The following MUC4 variants were observed in gnomAD, a reference collection of about 807,000 sequenced individuals.
The protein encoded by MUC4 is mucin 4, cell surface associated, also known as mucin-4.
A neutral mutation model predicts 257.9 loss-of-function variants in MUC4; 202 were observed. The ratio of observed to expected loss-of-function variants is 0.78; its 90% confidence interval spans 0.70 to 0.88. MUC4 has a LOEUF of 0.88. MUC4 is among the 40% of genes least tolerant of loss of function. MUC4 has a pLI of 0.00. For missense variants in MUC4, 5,976 were observed against 6,513.7 expected, an observed-to-expected ratio of 0.92 and a Z score of 2.84; for synonymous variants, 2,351 against 2,757.1, an observed-to-expected ratio of 0.85 and a Z score of 4.62.
intron 1 of MUC4, among the ~76,000 whole-genome samples, chr3:195,796,686 G>A (rs1009444090): frequency 2.0e-5 from 3 of 151,524 alleles, no homozygotes; most frequent in African/African-American, 4.9e-5. Flanking sequence ...GTGAGACTCC[G>A]TCTCAAAAAA....
intron 1 of MUC4, among the ~76,000 whole-genome samples, chr3:195,806,976 G>A (rs553294561): frequency 5.9e-5 from 9 of 152,304 alleles, no homozygotes; most frequent in African/African-American, 1.9e-4. Flanking sequence ...ACCTGGGCGG[G>A]GCGGCATCTC....
chr3:195,781,385 A>C lies in MUC4; in HGVS notation c.10195T>G (p.Ser3399Ala). 6.6e-7 allele frequency: 1 copy of C among 1,522,294 alleles called. No individual in the cohort carries two copies. Among genetic ancestry groups the C allele is most frequent in the Non-Finnish European group, 8.9e-7 (1 of 1,129,776 alleles). 94.3% of individuals were successfully genotyped at this position (1,522,294 alleles called of 1,614,324 possible). The part of the protein sequence containing the change: ...QATPLPVTNT[S>A]SVSTGDTMPL... Reference sequence around the variant, plus strand: ...ATGGTGTCACCTGTGGATACTGAGGAAGTGTTGGTGACAGGAAGAGGGGTG... The same window carrying C: ...ATGGTGTCACCTGTGGATACTGAGGCAGTGTTGGTGACAGGAAGAGGGGTG... The change falls in exon 2 of 25, where the codon TCC (serine) becomes GCC (alanine). Residue 3399 changes from serine (S) to alanine (A), a missense_variant. Ser to Ala is a moderately conservative substitution (Grantham distance 99, BLOSUM62 1). This residue lies in a region of MUC4 where 297 missense variants were observed against 240.9 expected (regional missense o/e 1.23). Transcript: ENST00000463781.
chr3:195,779,255 C>T lies in MUC4; in HGVS notation c.12325G>A (p.Asp4109Asn). The part of the protein sequence containing the change: ...LTSLSSVSTG[D>N]TTPLPVTDTS... ...TCGGTGACAGGAAGAGGCGTGGTGT[C>T]ACCTGTGGATACTGAGGAAAGGCTG... Residue 4109 changes from aspartate to asparagine, a missense_variant, in exon 2 of 25, where the codon GAC becomes AAC. Physicochemically the swap from Asp to Asn is conservative, Grantham distance 23 (BLOSUM62 1). Transcript: ENST00000463781. 1 of 1,311,350 alleles carries T rather than the reference C, an allele frequency of 7.6e-7. No individual in the cohort carries two copies. The highest frequency in any genetic ancestry group is 1.0e-6 in the Non-Finnish European group (1 of 991,156). 81.2% of individuals were successfully genotyped at this position (1,311,350 alleles called of 1,614,324 possible).
At chr3:195,794,684 T>C (rs1734353703) in intron 1 of MUC4, among the ~76,000 whole-genome samples, 1 of 152,082 alleles carries the variant, frequency 6.6e-6, no homozygotes. Flanking sequence ...TCAGTGCTCC[T>C]AGATAGTTGG....
intron 3 of MUC4, among the ~76,000 whole-genome samples, 187 bp downstream of exon 3, chr3:195,778,116 C>G (rs1216331167): frequency 2.0e-5 from 3 of 152,256 alleles, no homozygotes; most frequent in African/African-American, 7.2e-5. Flanking sequence ...GGTCATTTCT[C>G]TGTCTCCAGC....
chr3:195,799,260 T>TGTGA lies in MUC4; in HGVS notation c.83-7764_83-7763insTCAC, dbSNP rs1553889795. Among the ~76,000 whole-genome samples the TGTGA allele has an allele frequency of 8.0e-5, 12 of 149,226 alleles. No individual in the cohort carries two copies. The East Asian group carries it at 1.4e-3, about 17-fold the overall frequency. ...GTGTGTGTGTGTGTGTGTGTGTGTG[T>TGTGA]GACACTGTGTGTGTGTGTCCCTGCC... On this transcript the variant is annotated intron_variant, in intron 1 of 24. Coordinates refer to ENST00000463781, the MANE Select transcript of MUC4 (RefSeq NM_018406.7).
chr3:195,775,590 CCA>C (rs1724337656), intron 3 of MUC4, among the ~76,000 whole-genome samples: 1 of 73,504 alleles, frequency 1.4e-5, no homozygotes, highest in Admixed American at 1.2e-4. Context: ...CCTTCCACAC[CCA>C]TACCTTCCAC....
Position 195,759,157 on chromosome 3 carries a change from G to A in MUC4, c.14953C>T (p.Leu4985Phe), listed in dbSNP as rs1718270031. ...TCCAAGTCGGTGCAGCTGTCTCTGA[G>A]CGTGAAGTTGGCATCCTCAGCATTG... ...TSNAEDANFT[L>F]RDSCTDLELF... Residue 4985 changes from leucine (L) to phenylalanine (F), a missense_variant, in exon 17 of 25, where the codon CTC (leucine) becomes TTC (phenylalanine). Coordinates refer to ENST00000463781, the MANE Select transcript of MUC4 (RefSeq NM_018406.7). The A allele has an allele frequency of 1.2e-6, 2 of 1,614,068 alleles. No individual in the cohort carries two copies. Among genetic ancestry groups the A allele is most frequent in the African/African-American group, 1.3e-5 (1 of 75,012 alleles).
rs200175860 is a variant in MUC4, at chr3:195,789,525, G to C, written c.2055C>G (p.Asp685Glu). 1 of 1,613,932 alleles carries C rather than the reference G, an allele frequency of 6.2e-7. No individual in the cohort carries two copies. The highest frequency in any genetic ancestry group is 8.5e-7 in the Non-Finnish European group (1 of 1,179,870). The change falls in exon 2 of 25, where the codon GAC becomes GAG. Residue 685 changes from aspartate (D) to glutamate (E), a missense_variant. Physicochemically the swap from Asp to Glu is conservative, Grantham distance 45. Coordinates refer to ENST00000463781, the MANE Select transcript of MUC4 (RefSeq NM_018406.7). ...TTGTTGCTGCACTTATGGTGGGTGC[G>C]TCCTGAGGAACAATTTCTGAGGGCG... ...GHSPSEIVPQ[D>E]APTISAATTF...
At chr3:195,800,342 T>G (rs1270804375) in intron 1 of MUC4, among the ~76,000 whole-genome samples, 3 of 152,128 alleles carry the variant, frequency 2.0e-5, no homozygotes, top group Admixed American at 2.0e-4. Flanking sequence ...AAATCTTTAT[T>G]TAGAGAACTT....
intron 16 of MUC4, among the ~76,000 whole-genome samples, chr3:195,760,651 G>T (rs1185217): frequency 7.2e-6 from 1 of 138,400 alleles, no homozygotes; most frequent in Non-Finnish European, 1.5e-5. Context: ...GGAGGGGGCT[G>T]GGAAGGCGTC....
In MUC4 at chr3:195,747,156, C is replaced by A; in HGVS notation, c.*20G>T. 3 of 1,614,148 alleles carry A rather than the reference C, an allele frequency of 1.9e-6. No homozygotes were observed. Among genetic ancestry groups the A allele is most frequent in the Non-Finnish European group, 1.7e-6 (2 of 1,179,962 alleles). On this transcript the variant is annotated 3_prime_UTR_variant, in exon 25 of 25. Transcript: ENST00000463781. Reference sequence around the variant, plus strand: ...AAGGATGAGGTGAGTCTTGAGGTAGCCTAGGCCACAGCTGCCCCTTCAAGG... The same window carrying A: ...AAGGATGAGGTGAGTCTTGAGGTAGACTAGGCCACAGCTGCCCCTTCAAGG...
At position 195,767,611 on chromosome 3, in the gene MUC4, G is replaced by A. The variant is rs796358521; in HGVS notation, c.13530-860C>T. Among the ~76,000 whole-genome samples the A allele has an allele frequency of 6.0e-3, 88 of 14,672 alleles. 1 individual carries two copies. The highest frequency in any genetic ancestry group is 8.1e-3 in the Non-Finnish European group (45 of 5,546). The allele number at this position is 14,672 out of a possible 152,430, so 9.6% of individuals were successfully genotyped here. A position where few individuals can be genotyped will look rare whatever the true frequency, so the allele number is the denominator to read the frequency against. On this transcript the variant is annotated intron_variant, in intron 7 of 24. Transcript: ENST00000463781. ...CACCACCACCACCATCATCACCATT[G>A]CCACCACCATCACCACCATCACCAC...
intron 18 of MUC4, among the ~76,000 whole-genome samples, chr3:195,754,622 C>A (rs1717144944): frequency 6.6e-6 from 1 of 152,236 alleles, no homozygotes; most frequent in Admixed American, 6.5e-5. Flanking sequence ...TGGCCCTGCA[C>A]CAGGATCTCA....
chr3:195,757,414 C>T lies in MUC4; in HGVS notation c.14987-86G>A, dbSNP rs879945190. On this transcript the variant is annotated intron_variant, in intron 17 of 24. Transcript: ENST00000463781. This position sits in a 1 kb window ranked among gnomAD's most constrained non-coding sequence, Gnocchi z 4.8. ...TGCTGATACGGGGCTTCCCCCACCC[C>T]TCTCAGGCCACCCTCCCCCTCCCCA... 3 of 1,274,826 alleles carry T rather than the reference C, an allele frequency of 2.4e-6. No individual in the cohort carries two copies. The highest frequency in any genetic ancestry group is 2.9e-5 in the South Asian group (2 of 68,338). 79.0% of individuals were successfully genotyped at this position (1,274,826 alleles called of 1,614,324 possible).
Position 195,786,506 on chromosome 3 carries a change from C to A in MUC4, c.5074G>T (p.Asp1692Tyr), listed in dbSNP as rs1319957590. The A allele has an allele frequency of 6.6e-7, 1 of 1,518,636 alleles. No individual in the cohort carries two copies. The highest frequency in any genetic ancestry group is 1.2e-5 in the South Asian group (1 of 83,012). 94.1% of individuals were successfully genotyped at this position (1,518,636 alleles called of 1,614,324 possible). ...PVTGLSSATT[D>Y]DTTRLPVTDV... ...GTGACAGGAAGACGGGTGGTGTCAT[C>A]TGTGGTAGCTGAGGAAAGGCCGGTG... Residue 1692 changes from aspartate to tyrosine, a missense_variant, in exon 2 of 25, where the codon GAT (aspartate) becomes TAT (tyrosine). Coordinates refer to ENST00000463781, the MANE Select transcript of MUC4 (RefSeq NM_018406.7).
intron 24 of MUC4, among the ~76,000 whole-genome samples, chr3:195,748,107 G>A (rs1302471581): frequency 1.3e-5 from 2 of 152,266 alleles, no homozygotes; most frequent in Admixed American, 6.5e-5. Context: ...GTGGGGCCGC[G>A]GCTTCCTGCG....
In MUC4 at chr3:195,757,104, T is replaced by A; in HGVS notation, c.15168+43A>T. 1 of 1,557,346 alleles carries A rather than the reference T, an allele frequency of 6.4e-7. No individual in the cohort carries two copies. The highest frequency in any genetic ancestry group is 8.8e-7 in the Non-Finnish European group (1 of 1,141,336). On this transcript the variant is annotated intron_variant, in intron 18 of 24. Transcript: ENST00000463781. The surrounding 1 kb of genome is among the most constrained non-coding windows in gnomAD (Gnocchi z 4.8). ...GCATCCATTCCACTCCCATTTCCTCTCCCCTCGGCACAGAAACTCCTCCCC... is the reference window on the plus strand; with the variant it reads ...GCATCCATTCCACTCCCATTTCCTCACCCCTCGGCACAGAAACTCCTCCCC...
intron 8 of MUC4, among the ~76,000 whole-genome samples, chr3:195,765,786 G>A (rs1720334625): frequency 6.6e-6 from 1 of 152,194 alleles, no homozygotes; most frequent in Non-Finnish European, 1.5e-5. Context: ...CTGAGTCATG[G>A]AGAAGGCGCC....
Sources: allele counts gnomAD v4.1 joint callset (sites outside exome capture counted in the v4.1 genomes callset), GRCh38; gene constraint gnomAD v4.1.1; regional missense constraint gnomAD v4.1.1; non-coding constraint Gnocchi (gnomAD v3.1); transcripts MANE v1.5; gene names NCBI Gene and HGNC (gene_info 2026-07-23, HGNC 2026-07-21).